KLRD1: variants seen among roughly 807,000 people sequenced by gnomAD.
The protein encoded by KLRD1 is natural killer cells antigen CD94.
A neutral mutation model predicts 22.6 loss-of-function variants in KLRD1; 21 were observed. The observed-to-expected ratio is 0.93, with a 90% CI of 0.66 to 1.34. The LOEUF is 1.34. KLRD1 is among the 40% of genes most tolerant of loss of function. The pLI is 0.00. For synonymous variants in KLRD1, 59 were observed against 71.1 expected, an observed-to-expected ratio of 0.83 and a Z score of 0.85; for missense variants, 183 against 208.6, an observed-to-expected ratio of 0.88 and a Z score of 0.76.
intron 1 of KLRD1, among the ~76,000 whole-genome samples, chr12:10,293,694 TA>T (rs961539438): frequency 5.3e-4 from 80 of 150,572 alleles, no homozygotes; most frequent in African/African-American, 1.5e-3. Context: ...GCACATGCTT[TA>T]AAAAAAAAAT....
At chr12:10,310,999 T>C (rs1482132756) in intron 3 of KLRD1, among the ~76,000 whole-genome samples, 1 of 152,192 alleles carries the variant, frequency 6.6e-6, no homozygotes, top group African/African-American at 2.4e-5. Context: ...TATATCAAAA[T>C]TCTCCAAATG....
In KLRD1 at chr12:10,321,181, T is replaced by C. The variant is rs928091390; in HGVS notation, c.*6388T>C. ...AAATTATTATGCATCAGTGACTCCTTTGTAATTCTCATGCCCCTCCCTCTT... is the reference window on the plus strand; with the variant it reads ...AAATTATTATGCATCAGTGACTCCTCTGTAATTCTCATGCCCCTCCCTCTT... On this transcript the variant is annotated 3_prime_UTR_variant, in exon 6 of 6. Coordinates refer to ENST00000336164, the MANE Select transcript of KLRD1 (RefSeq NM_002262.5). The C allele has an allele frequency of 1.3e-5, 2 of 152,198 alleles. No homozygotes were observed. Among genetic ancestry groups the C allele is most frequent in the Admixed American group, 1.3e-4 (2 of 15,280 alleles). The allele number at this position is 152,198 out of a possible 1,614,324, so 9.4% of individuals were successfully genotyped here.
At position 10,313,474 on chromosome 12, in the gene KLRD1, C is replaced by T; in HGVS notation, c.380C>T (p.Ala127Val). 1.2e-6 allele frequency: 2 copies of T among 1,608,342 alleles called. No individual in the cohort carries two copies. Among genetic ancestry groups the T allele is most frequent in the Non-Finnish European group, 1.7e-6 (2 of 1,177,064 alleles). ...CTCTCTTACAGTGAGGAGCACACCG[C>T]CTGGTTGTGGGAGAATGGCTCTGCA... is the stretch of plus-strand genomic sequence containing the variant. ...IGLSYSEEHT[A>V]WLWENGSALS... Residue 127 changes from alanine to valine, a missense_variant, in exon 5 of 6, where the codon GCC (alanine) becomes GTC (valine). Transcript: ENST00000336164.
In KLRD1 at chr12:10,313,460, T is replaced by C; in HGVS notation, c.366T>C (p.Ser122=). 1 of 1,609,228 alleles carries C rather than the reference T, an allele frequency of 6.2e-7. No individual in the cohort carries two copies. Among genetic ancestry groups the C allele is most frequent in the Non-Finnish European group, 8.5e-7 (1 of 1,177,556 alleles). The change falls in exon 5 of 6, where the codon AGT becomes AGC. Residue 122 remains serine (S), a synonymous_variant. Coordinates refer to ENST00000336164, the MANE Select transcript of KLRD1 (RefSeq NM_002262.5). The stretch of plus-strand genomic sequence containing the variant: ...TTTACTGGATTGGACTCTCTTACAG[T>C]GAGGAGCACACCGCCTGGTTGTGGG... ...QQFYWIGLSY[S]EEHTAWLWEN...
upstream of KLRD1, among the ~76,000 whole-genome samples, chr12:10,305,587 T>C (rs1287592865): frequency 6.6e-6 from 1 of 152,176 alleles, no homozygotes; most frequent in East Asian, 1.9e-4. Flanking sequence ...CTGAGACTGC[T>C]GGACTGTATA....
rs557931412 is a variant in KLRD1 at position 10,316,379 on chromosome 12, T to G, written c.*1586T>G. ...GTTACAACTGCTACTTCATAGTTTA[T>G]GCCACTTATTTTATTTTTTACTTTT... On this transcript the variant is annotated 3_prime_UTR_variant, in exon 6 of 6. Transcript: ENST00000336164. The G allele has an allele frequency of 6.6e-6, 1 of 152,172 alleles. No individual in the cohort carries two copies. The highest frequency in any genetic ancestry group is 1.5e-5 in the Non-Finnish European group (1 of 68,020). The allele number at this position is 152,172 out of a possible 1,614,324, so 9.4% of individuals were successfully genotyped here.
chr12:10,254,431 C>A (rs1265700289), intron 1 of KLRD1, among the ~76,000 whole-genome samples: 453 of 86,864 alleles, frequency 5.2e-3, no homozygotes, highest in East Asian at 0.015. Flanking sequence ...CACTCCGTCT[C>A]AAAAAAAAAA....
rs1395831374 is a variant in KLRD1 at position 10,317,864 on chromosome 12, A to G, written c.*3071A>G. ...TTACAGTAATGACAGAAGGGAAAGC[A>G]AACACATCCCTCTACGCATGGCAGC... On this transcript the variant is annotated 3_prime_UTR_variant, in exon 6 of 6. Coordinates refer to ENST00000336164, the MANE Select transcript of KLRD1 (RefSeq NM_002262.5). The G allele has an allele frequency of 6.6e-6, 1 of 152,244 alleles. No homozygotes were observed. The highest frequency in any genetic ancestry group is 1.5e-5 in the Non-Finnish European group (1 of 68,062). 9.4% of individuals were successfully genotyped at this position (152,244 alleles called of 1,614,324 possible).
intron 1 of KLRD1, among the ~76,000 whole-genome samples, chr12:10,294,707 T>G (rs1949807280): frequency 6.6e-6 from 1 of 152,164 alleles, no homozygotes; most frequent in Admixed American, 6.6e-5. Context: ...GGCCCCCATT[T>G]TGTTTTGACT....
rs916619006 is a variant in KLRD1, at chr12:10,328,909, A to AG, written c.*14121dup. 6.6e-6 allele frequency: 1 copy of AG among 152,226 alleles called. No homozygotes were observed. Among genetic ancestry groups the AG allele is most frequent in the Non-Finnish European group, 1.5e-5 (1 of 68,080 alleles). 9.4% of individuals were successfully genotyped at this position (152,226 alleles called of 1,614,324 possible). Reference sequence around the variant, plus strand: ...CAAGAGAGAATGAAAGCCAAGCCAAAGGGGGTTTCCCCTTATAAAACCATC... The same window carrying AG: ...CAAGAGAGAATGAAAGCCAAGCCAAAGGGGGGTTTCCCCTTATAAAACCATC... On this transcript the variant is annotated 3_prime_UTR_variant, in exon 6 of 6. Coordinates refer to ENST00000336164, the MANE Select transcript of KLRD1 (RefSeq NM_002262.5).
chr12:10,267,546 T>C (rs1408556619), intron 1 of KLRD1, among the ~76,000 whole-genome samples: 1 of 152,202 alleles, frequency 6.6e-6, no homozygotes, highest in Non-Finnish European at 1.5e-5. Flanking sequence ...AGCCATTGAG[T>C]ACATAATCAC....
At chr12:10,262,080 TTTGA>T (rs1209423531) in intron 1 of KLRD1, among the ~76,000 whole-genome samples, 3 of 152,096 alleles carry the variant, frequency 2.0e-5, no homozygotes, top group Non-Finnish European at 2.9e-5. Context: ...ATCTTTTGAG[TTTGA>T]TTGAGATGTC....
At position 10,286,499 on chromosome 12, in the gene KLRD1, A is replaced by G. The variant is rs573065059; in HGVS notation, c.-100-21479A>G. On this transcript the variant is annotated intron_variant, in intron 1 of 5. Coordinates refer to the KLRD1 transcript ENST00000544747. ...GTTATGTAACCTACTCAAGTTTACGATCTACCAAAAGCAGAATCAAACATT... is the reference window on the plus strand; with the variant it reads ...GTTATGTAACCTACTCAAGTTTACGGTCTACCAAAAGCAGAATCAAACATT... Among the ~76,000 whole-genome samples the G allele has an allele frequency of 1.6e-4, 24 of 152,262 alleles. No homozygotes were observed. In the East Asian group the frequency reaches 4.6e-3, roughly 29 times the overall value.
At chr12:10,277,846 C>T (rs999211692) in intron 1 of KLRD1, among the ~76,000 whole-genome samples, 3 of 152,172 alleles carry the variant, frequency 2.0e-5, no homozygotes, top group Non-Finnish European at 4.4e-5. Flanking sequence ...ACTCAATCAA[C>T]AGCTTAATTC....
At chr12:10,310,265 G>C (rs1290223695) in intron 3 of KLRD1, among the ~76,000 whole-genome samples, 1 of 151,984 alleles carries the variant, frequency 6.6e-6, no homozygotes, top group Admixed American at 6.6e-5. Context: ...GACTACAGGC[G>C]CCCGCCACCA....
intron 1 of KLRD1, among the ~76,000 whole-genome samples, chr12:10,253,907 G>A (rs1228956128): frequency 6.6e-6 from 1 of 152,146 alleles, no homozygotes; most frequent in Non-Finnish European, 1.5e-5. Flanking sequence ...GTGGTAGAAG[G>A]ATTTATATTC....
chr12:10,261,844 C>T (rs1198523478), intron 1 of KLRD1, among the ~76,000 whole-genome samples: 1 of 152,014 alleles, frequency 6.6e-6, no homozygotes, highest in Non-Finnish European at 1.5e-5. Flanking sequence ...TGGGAAAACA[C>T]GTGAGTTAAT....
chr12:10,300,934 C>G (rs959044186), upstream of KLRD1, among the ~76,000 whole-genome samples: 8 of 152,338 alleles, frequency 5.3e-5, no homozygotes, highest in East Asian at 7.7e-4. Flanking sequence ...TCCAAGTTTT[C>G]TTCTGCAGCT....
At chr12:10,242,526 T>C (rs935232365) in intron 1 of KLRD1, among the ~76,000 whole-genome samples, 9 of 152,286 alleles carry the variant, frequency 5.9e-5, no homozygotes, top group African/African-American at 1.9e-4. Flanking sequence ...CTTCAACATA[T>C]TGATTTCAAT....
Sources: gnomAD v4.1 joint callset for allele counts (sites outside exome capture counted in the v4.1 genomes callset) on GRCh38, gnomAD v4.1.1 for gene constraint, MANE v1.5 for transcripts, NCBI Gene and HGNC (gene_info 2026-07-23, HGNC 2026-07-21) for gene names.